The following ADGRV1 variants were observed in gnomAD, a reference collection of about 807,000 sequenced individuals.
The protein encoded by ADGRV1 is G-protein coupled receptor 98.
In ADGRV1, 359 loss-of-function variants were observed where a neutral mutation model predicts 596.2. The ratio of observed to expected loss-of-function variants is 0.60; its 90% CI spans 0.55 to 0.66. The LOEUF (loss-of-function observed/expected upper bound fraction) is 0.66. ADGRV1 is among the 30% of genes least tolerant of loss of function. The pLI is 0.00. For synonymous variants in ADGRV1, 2,681 were observed against 2,679.2 expected, an observed-to-expected ratio of 1.00 and a Z score of -0.02; for missense variants, 7,274 against 7,575.6, an observed-to-expected ratio of 0.96 and a Z score of 1.48.
In ADGRV1 at chr5:91,102,607, T is replaced by G. The variant is rs1026975643; in HGVS notation, c.18432+267T>G. On this transcript the variant is annotated intron_variant, in intron 87 of 89. Coordinates refer to ENST00000405460, the MANE Select transcript of ADGRV1 (RefSeq NM_032119.4). ...GAACATCGAAGTAACTACACAAACA[T>G]ATTTCTTTTTCAGTAGGATTGATGT... Among the ~76,000 whole-genome samples, 3 of 152,346 alleles carry G rather than the reference T, an allele frequency of 2.0e-5. No individual in the cohort carries two copies. The East Asian group carries it at 5.8e-4, about 29-fold the overall frequency.
intron 87 of ADGRV1, among the ~76,000 whole-genome samples, chr5:91,106,550 T>C (rs1480172937): frequency 6.6e-6 from 1 of 152,236 alleles, no homozygotes; most frequent in Non-Finnish European, 1.5e-5. Context: ...ACTCTGTAGA[T>C]TGCTTTGGCT....
chr5:91,032,917 T>C (rs900703708), intron 85 of ADGRV1, among the ~76,000 whole-genome samples: 4 of 152,232 alleles, frequency 2.6e-5, no homozygotes, highest in African/African-American at 9.6e-5. Flanking sequence ...TGCTGTGGCA[T>C]TTCCTGGCCA....
At chr5:90,632,807 A>G (rs192104219) in intron 9 of ADGRV1, among the ~76,000 whole-genome samples, 1 of 152,230 alleles carries the variant, frequency 6.6e-6, no homozygotes, top group East Asian at 1.9e-4. Flanking sequence ...CAAAGGTCTT[A>G]CAGTGCAGTT....
chr5:91,075,318 A>T (rs180762418), intron 86 of ADGRV1, among the ~76,000 whole-genome samples: 4 of 152,268 alleles, frequency 2.6e-5, no homozygotes, highest in Admixed American at 2.6e-4. Context: ...TTTTATATAT[A>T]ATGTAAAAGT....
chr5:90,983,579 A>G (rs1440684221), intron 84 of ADGRV1, among the ~76,000 whole-genome samples: 1 of 152,190 alleles, frequency 6.6e-6, no homozygotes, highest in Non-Finnish European at 1.5e-5. Flanking sequence ...TTCATTCTTT[A>G]ACAGGCAGTA....
intron 83 of ADGRV1, among the ~76,000 whole-genome samples, chr5:90,961,513 G>GC (rs1374156962): frequency 6.9e-6 from 1 of 144,820 alleles, no homozygotes; most frequent in African/African-American, 2.6e-5. Flanking sequence ...AAAAAGGGGG[G>GC]GTGGCGGTCA....
At chr5:91,053,132 G>C (rs1010964785) in intron 85 of ADGRV1, among the ~76,000 whole-genome samples, 2 of 152,098 alleles carry the variant, frequency 1.3e-5, no homozygotes, top group Non-Finnish European at 2.9e-5. Context: ...TTTAATCACT[G>C]CTTCCTTCCT....
chr5:91,034,430 T>A (rs1002742505), intron 85 of ADGRV1, among the ~76,000 whole-genome samples: 1 of 152,216 alleles, frequency 6.6e-6, no homozygotes, highest in Non-Finnish European at 1.5e-5. Context: ...TTAACATTAA[T>A]AATTCTGTTT....
At chr5:91,044,715 A>G (rs1785643834) in intron 85 of ADGRV1, among the ~76,000 whole-genome samples, 4 of 152,164 alleles carry the variant, frequency 2.6e-5, no homozygotes, top group Admixed American at 2.6e-4. Context: ...GCCTTTTGAA[A>G]TTTTATTTAG....
chr5:90,723,878 A>T (rs552699380), intron 45 of ADGRV1, among the ~76,000 whole-genome samples: 36 of 152,174 alleles, frequency 2.4e-4, no homozygotes, highest in African/African-American at 7.9e-4. Context: ...TACATTTTTT[A>T]AAAAATGTTT....
chr5:90,892,236 A>T (rs1224222937), intron 83 of ADGRV1, among the ~76,000 whole-genome samples: 1 of 152,004 alleles, frequency 6.6e-6, no homozygotes, highest in African/African-American at 2.4e-5. Flanking sequence ...CATATAATAA[A>T]CTTTTATTAT....
chr5:90,825,911 C>A (rs1404872149), intron 76 of ADGRV1: 1 of 152,076 alleles, frequency 6.6e-6, no homozygotes, highest in African/African-American at 2.4e-5. Context: ...ATATTCAAAT[C>A]GTAGAGTTTT....
chr5:90,991,953 A>C (rs978561250), intron 85 of ADGRV1, among the ~76,000 whole-genome samples: 1 of 152,238 alleles, frequency 6.6e-6, no homozygotes, highest in Non-Finnish European at 1.5e-5. Context: ...TTTGAAAAGG[A>C]ATGTTGTCAG....
chr5:91,087,820 A>C (rs1790026031), intron 86 of ADGRV1, among the ~76,000 whole-genome samples: 1 of 152,314 alleles, frequency 6.6e-6, no homozygotes, highest in Admixed American at 6.5e-5. Flanking sequence ...GCAGTTAAGT[A>C]ACTAATACAA....
At chr5:90,993,316 G>A (rs374024663) in intron 85 of ADGRV1, among the ~76,000 whole-genome samples, 1 of 151,822 alleles carries the variant, frequency 6.6e-6, no homozygotes, top group East Asian at 1.9e-4. Flanking sequence ...GCACCACCAT[G>A]CACAGCTAGT....
At chr5:90,869,720 A>G (rs1168772392) in intron 83 of ADGRV1, among the ~76,000 whole-genome samples, 1 of 152,204 alleles carries the variant, frequency 6.6e-6, no homozygotes, top group Non-Finnish European at 1.5e-5. Context: ...AATTTTATTT[A>G]CTAAACATTA....
chr5:90,995,453 G>C (rs1781336097), intron 85 of ADGRV1, among the ~76,000 whole-genome samples: 1 of 152,130 alleles, frequency 6.6e-6, no homozygotes, highest in Admixed American at 6.5e-5. Context: ...AGTCTCCCCA[G>C]CCATGCCTTC....
At chr5:91,057,171 T>C (rs1482224960) in intron 85 of ADGRV1, among the ~76,000 whole-genome samples, 1 of 152,246 alleles carries the variant, frequency 6.6e-6, no homozygotes, top group African/African-American at 2.4e-5. Flanking sequence ...TTGTGTTGTT[T>C]AAAAGCACAT....
At chr5:90,971,247 G>A (rs1200614406) in intron 84 of ADGRV1, among the ~76,000 whole-genome samples, 1 of 152,202 alleles carries the variant, frequency 6.6e-6, no homozygotes, top group Non-Finnish European at 1.5e-5. Context: ...AAGTGATGGG[G>A]AGAATGGAAC....
Sources: gnomAD v4.1 joint callset for allele counts (sites outside exome capture counted in the v4.1 genomes callset) on GRCh38, gnomAD v4.1.1 for gene constraint, MANE v1.5 for transcripts, NCBI Gene and HGNC (gene_info 2026-07-23, HGNC 2026-07-21) for gene names.